Variants in SMAD3 observed in about 807,000 individuals in gnomAD.
SMAD3 encodes MAD homolog 3.
SMAD3 carries 12 observed loss-of-function variants against 51.8 expected under a neutral mutation model. That is an observed-to-expected ratio of 0.23 (90% CI 0.15 to 0.38). The LOEUF (loss-of-function observed/expected upper bound fraction) is 0.38, where lower values mean the gene tolerates loss of function less well. Ranked by LOEUF, SMAD3 falls within the 10% of genes least tolerant of loss-of-function variation. The pLI is 1.00. For synonymous variants in SMAD3, 238 were observed against 227.7 expected (o/e 1.05, Z -0.41); for missense variants, 294 against 565.6 (o/e 0.52, Z 4.87).
intron 6 of SMAD3, among the ~76,000 whole-genome samples, chr15:67,181,722 A>G (rs902939031): frequency 4.6e-5 from 7 of 152,216 alleles, no homozygotes; most frequent in African/African-American, 1.7e-4. Flanking sequence ...TGGAAGCCAC[A>G]GAGGAAAATA....
rs1031627985 is a variant in SMAD3 at position 67,117,790 on chromosome 15, C to T, written c.207-47105C>T. 2.0e-5 allele frequency among the ~76,000 whole-genome samples: 3 copies of T among 152,306 alleles called. No individual in the cohort carries two copies. The East Asian group carries it at 5.8e-4, about 29-fold the overall frequency. ...ATGTAATGAGAATGTACAGAACTCT[C>T]TAGTAAGAGTCTGAAATTTGGCCGG... On this transcript the variant is annotated intron_variant, in intron 1 of 8. Transcript: ENST00000327367.
chr15:67,183,831 A>T (rs1963148207), intron 6 of SMAD3, among the ~76,000 whole-genome samples: 1 of 152,220 alleles, frequency 6.6e-6, no homozygotes. Flanking sequence ...TAAATGATAT[A>T]AACCTCTGGA....
intron 1 of SMAD3, among the ~76,000 whole-genome samples, chr15:67,108,576 C>T (rs781280369): frequency 6.6e-5 from 10 of 152,210 alleles, no homozygotes; most frequent in Non-Finnish European, 1.0e-4. Context: ...ACACACACCA[C>T]GATATGTTGA....
chr15:67,101,440 C>A lies in SMAD3; in HGVS notation c.206+35080C>A, dbSNP rs577544245. On this transcript the variant is annotated intron_variant, in intron 1 of 8. Coordinates refer to ENST00000327367, the MANE Select transcript of SMAD3 (RefSeq NM_005902.4). ...AGAAAAAGGTTTCAAATTTAGCAAG[C>A]CCCCTGACTCTCCCACCCTCTGGCA... Among the ~76,000 whole-genome samples, 3 of 152,220 alleles carry A rather than the reference C, an allele frequency of 2.0e-5. No individual in the cohort carries two copies. The South Asian group carries it at 6.2e-4, about 32-fold the overall frequency.
intron 5 of SMAD3, among the ~76,000 whole-genome samples, chr15:67,179,490 C>A (rs2140311874): frequency 6.6e-6 from 1 of 152,182 alleles, no homozygotes; most frequent in Admixed American, 6.5e-5. Flanking sequence ...AAAACCTGAC[C>A]TAGGGTGTCC....
At chr15:67,179,154 T>C (rs1356890669) in intron 5 of SMAD3, among the ~76,000 whole-genome samples, 3 of 152,212 alleles carry the variant, frequency 2.0e-5, no homozygotes, top group African/African-American at 7.2e-5. Context: ...CGCAGTTGCA[T>C]GTCTAGTCTG....
rs1020025078 is a variant in SMAD3 at position 67,184,590 on chromosome 15, G to C, written c.872-137G>C. ...TCCCCTACTTTAGGCTTGGGCTTTG[G>C]GGCCCGTTTGCCTGGGGAAGCTGGC... On this transcript the variant is annotated intron_variant, in intron 6 of 8. Transcript: ENST00000327367. 3.8e-6 allele frequency: 4 copies of C among 1,052,462 alleles called. No individual in the cohort carries two copies. In the African/African-American group the frequency reaches 6.2e-5, roughly 16 times the overall value. The allele number at this position is 1,052,462 out of a possible 1,614,324, so 65.2% of individuals were successfully genotyped here. A position where few individuals can be genotyped will look rare whatever the true frequency, so the allele number is the denominator to read the frequency against.
rs863223735 is a variant in SMAD3, at chr15:67,181,264, G to T, written c.682G>T (p.Glu228Ter). ...AGACCTGCAGCCAGTTACCTACTGC[G>T]AGCCGGCCTTCTGGTGCTCCATCTC... Reference protein sequence around the residue: ...NLDLQPVTYCEPAFWCSISYY... With the variant: ...NLDLQPVTYC The change falls in exon 6 of 9, where the codon GAG becomes TAG. Residue 228 changes from glutamate to a stop codon, truncating the protein, a stop_gained. Coordinates refer to ENST00000327367, the MANE Select transcript of SMAD3 (RefSeq NM_005902.4). LOFTEE classifies it high-confidence loss of function. 1 of 1,613,148 alleles carries T rather than the reference G, an allele frequency of 6.2e-7. No individual in the cohort carries two copies. The highest frequency in any genetic ancestry group is 8.5e-7 in the Non-Finnish European group (1 of 1,179,994).
At position 67,165,063 on chromosome 15, in the gene SMAD3, C is replaced by T. The variant is rs1266340263; in HGVS notation, c.375C>T (p.Tyr125=). 6.2e-7 allele frequency: 1 copy of T among 1,614,078 alleles called. No homozygotes were observed. Among genetic ancestry groups the T allele is most frequent in the Non-Finnish European group, 8.5e-7 (1 of 1,180,044 alleles). ...MKKDEVCVNP[Y]HYQRVETPVL... is the part of the protein sequence containing the mutation. ...AGGACGAGGTCTGCGTGAATCCCTACCACTACCAGAGAGTAGAGACACCAG... is the reference window on the plus strand; with the variant it reads ...AGGACGAGGTCTGCGTGAATCCCTATCACTACCAGAGAGTAGAGACACCAG... Residue 125 remains tyrosine, a synonymous_variant, in exon 2 of 9, where the codon TAC becomes TAT. Transcript: ENST00000327367.
At chr15:67,070,558 T>C (rs1392410790) in intron 1 of SMAD3, among the ~76,000 whole-genome samples, 1 of 151,614 alleles carries the variant, frequency 6.6e-6, no homozygotes, top group Non-Finnish European at 1.5e-5. Context: ...TTTGAGAAGC[T>C]CCCAGCCTGT....
chr15:67,182,270 C>G (rs1429438972), intron 6 of SMAD3, among the ~76,000 whole-genome samples: 1 of 152,146 alleles, frequency 6.6e-6, no homozygotes, highest in South Asian at 2.1e-4. Context: ...CTTCTAGCCC[C>G]CAGAACATAA....
chr15:67,107,052 GC>G (rs1566970401), intron 1 of SMAD3, among the ~76,000 whole-genome samples: 1 of 151,678 alleles, frequency 6.6e-6, no homozygotes, highest in Non-Finnish European at 1.5e-5. Context: ...GGCTTCCCTA[GC>G]CCTGACTTCC....
intron 1 of SMAD3, among the ~76,000 whole-genome samples, chr15:67,144,956 C>G (rs2140269826): frequency 6.6e-6 from 1 of 152,208 alleles, no homozygotes; most frequent in African/African-American, 2.4e-5. Flanking sequence ...TGTGGATTCC[C>G]TCATCCTCAC....
chr15:67,176,620 GT>G (rs921500039), intron 5 of SMAD3, among the ~76,000 whole-genome samples: 7 of 152,194 alleles, frequency 4.6e-5, no homozygotes, highest in Admixed American at 4.6e-4. Flanking sequence ...TGCCTTCTGG[GT>G]TTTATTCTGT....
intron 1 of SMAD3, among the ~76,000 whole-genome samples, chr15:67,120,923 G>C (rs1306560660): frequency 1.3e-5 from 2 of 152,166 alleles, no homozygotes; most frequent in Non-Finnish European, 2.9e-5. Flanking sequence ...TGTGGCCCAA[G>C]ATGACGACTC....
At chr15:67,107,170 T>G (rs1166222683) in intron 1 of SMAD3, among the ~76,000 whole-genome samples, 1 of 151,618 alleles carries the variant, frequency 6.6e-6, no homozygotes, top group African/African-American at 2.4e-5. Context: ...AAAAAAAAGA[T>G]TTTAATGAGT....
Position 67,176,822 on chromosome 15 carries a change from G to A in SMAD3, c.659-4419G>A, listed in dbSNP as rs746754037. On this transcript the variant is annotated intron_variant, in intron 5 of 8. Transcript: ENST00000327367. ...AAAGGCTGGAGCTGGAGGTTCCTGC[G>A]TCTCCAACACCTCTGCACTGGGAGG... is the stretch of plus-strand genomic sequence containing the variant. Among the ~76,000 whole-genome samples the A allele has an allele frequency of 4.6e-5, 7 of 152,236 alleles. No homozygotes were observed. The East Asian group carries it at 7.8e-4, about 17-fold the overall frequency.
chr15:67,134,374 C>T (rs1226421926), intron 1 of SMAD3, among the ~76,000 whole-genome samples: 1 of 152,216 alleles, frequency 6.6e-6, no homozygotes, highest in Non-Finnish European at 1.5e-5. Flanking sequence ...GCCATCCAGC[C>T]ATCGGAGAGA....
At chr15:67,140,870 T>C (rs74020113) in intron 1 of SMAD3, among the ~76,000 whole-genome samples, 2,220 of 152,226 alleles carry the variant, frequency 0.015, 58 homozygotes, top group African/African-American at 0.049. Context: ...TTGGGGTTCA[T>C]TCATAGTCTA....
Sources: allele counts gnomAD v4.1 joint callset (sites outside exome capture counted in the v4.1 genomes callset), GRCh38; gene constraint gnomAD v4.1.1; transcripts MANE v1.5; gene names NCBI Gene and HGNC (gene_info 2026-07-23, HGNC 2026-07-21).